The following RELN variants were observed in gnomAD, a reference collection of about 807,000 sequenced individuals.
The protein encoded by RELN is reelin.
RELN carries 108 observed loss-of-function variants against 427.6 expected under a neutral mutation model. The observed-to-expected ratio is 0.25, with a 90% confidence interval of 0.22 to 0.30. RELN has a LOEUF of 0.30. Among genes scored for constraint, RELN ranks in the 10% least tolerant of loss-of-function variants. RELN has a pLI of 1.00. For missense variants in RELN, 3,715 were observed against 4,302.8 expected (o/e 0.86, Z 3.82); for synonymous variants, 1,524 against 1,513.4 (o/e 1.01, Z -0.16).
chr7:103,917,926 G>A (rs139861397), intron 1 of RELN, among the ~76,000 whole-genome samples: 204 of 152,146 alleles, frequency 1.3e-3, no homozygotes, highest in African/African-American at 4.7e-3. Flanking sequence ...TTTCCTGCTT[G>A]ACGTAACATT....
In RELN at chr7:103,909,219, G is replaced by A. The variant is rs190985305; in HGVS notation, c.337+7856C>T. 1.7e-3 allele frequency among the ~76,000 whole-genome samples: 262 copies of A among 152,168 alleles called. 1 individual carries two copies. Among genetic ancestry groups the A allele is most frequent in the African/African-American group, 5.9e-3 (245 of 41,532 alleles). ...CAGACAAGACACCTAAGATTCAACT[G>A]CTGCTAATGCCCTGGGGAGTATGGG... On this transcript the variant is annotated intron_variant, in intron 2 of 64. Coordinates refer to ENST00000428762, the MANE Select transcript of RELN (RefSeq NM_005045.4).
At chr7:103,520,345 G>A (rs891443578) in intron 48 of RELN, among the ~76,000 whole-genome samples, 1 of 151,812 alleles carries the variant, frequency 6.6e-6, no homozygotes, top group African/African-American at 2.4e-5. Flanking sequence ...GTGCAGTCTC[G>A]GCTCACTGCA....
At chr7:103,502,701 A>G (rs968122239) in intron 52 of RELN, among the ~76,000 whole-genome samples, 3 of 152,206 alleles carry the variant, frequency 2.0e-5, no homozygotes, top group African/African-American at 7.2e-5. Flanking sequence ...TACAAGGTTG[A>G]GAAGGTAGGG....
rs1237687680 is a variant in RELN, at chr7:103,654,119, C to T, written c.1528G>A (p.Asp510Asn). The T allele has an allele frequency of 6.3e-7, 1 of 1,593,094 alleles. No individual in the cohort carries two copies. The highest frequency in any genetic ancestry group is 1.3e-5 in the African/African-American group (1 of 74,384). The stretch of plus-strand genomic sequence containing the variant: ...TTATATGAGGAATAGGAAAGGGTAT[C>T]CAGTGTTATATGCTCTTTTCTTCCT... ...IEGRKEHITL[D>N]TLSYSSYKVP... Residue 510 changes from aspartate to asparagine, a missense_variant, in exon 13 of 65, where the codon GAT (aspartate) becomes AAT (asparagine). Asp to Asn is a conservative substitution (Grantham distance 23). Coordinates refer to ENST00000428762, the MANE Select transcript of RELN (RefSeq NM_005045.4).
chr7:103,472,858 CTG>C lies in RELN; in HGVS notation c.10335_10336del (p.Arg3446ThrfsTer11). 6.2e-7 allele frequency: 1 copy of C among 1,613,958 alleles called. No individual in the cohort carries two copies. Among genetic ancestry groups the C allele is most frequent in the Non-Finnish European group, 8.5e-7 (1 of 1,179,886 alleles). ...CCTTCGTCTTCTGTTGTAGAAATGTCTGAGCCCATGTTGTCGTGAAAAATTCA... is the reference window on the plus strand; with the variant it reads ...CCTTCGTCTTCTGTTGTAGAAATGTCAGCCCATGTTGTCGTGAAAAATTCA... On this transcript the variant is annotated frameshift_variant, in exon 65 of 65. Transcript: ENST00000428762. LOFTEE classifies it high-confidence loss of function.
intron 4 of RELN, among the ~76,000 whole-genome samples, chr7:103,774,592 T>C (rs1791691460): frequency 6.6e-6 from 1 of 152,200 alleles, no homozygotes; most frequent in South Asian, 2.1e-4. Context: ...ATAAATATAT[T>C]AGATATTCCT....
intron 56 of RELN, 93 bp from the exon 57 acceptor site, chr7:103,495,991 T>A: frequency 1.5e-6 from 2 of 1,310,656 alleles, no homozygotes; most frequent in Non-Finnish European, 2.2e-6. Flanking sequence ...CTGACCGATT[T>A]ATTGTTGAAT....
Position 103,540,322 on chromosome 7 carries a change from A to C in RELN, c.6805T>G (p.Ser2269Ala), listed in dbSNP as rs1830150068. 7 of 1,614,148 alleles carry C rather than the reference A, an allele frequency of 4.3e-6. No homozygotes were observed. In the East Asian group the frequency reaches 1.3e-4, roughly 31 times the overall value. Reference sequence around the variant, plus strand: ...GCAATGTACCTGCCCACATTGCTGGAATTGCTGAAAAGGAACTCCTGAAGA... The same window carrying C: ...GCAATGTACCTGCCCACATTGCTGGCATTGCTGAAAAGGAACTCCTGAAGA... ...SLLQEFLFSN[S>A]SNVGRYIALE... The change falls in exon 44 of 65, where the codon TCC becomes GCC. Residue 2269 changes from serine to alanine, a missense_variant. Ser to Ala is a moderately conservative substitution (Grantham distance 99, BLOSUM62 1). Transcript: ENST00000428762.
chr7:103,710,624 T>G (rs1019528281), intron 8 of RELN, among the ~76,000 whole-genome samples: 27 of 152,228 alleles, frequency 1.8e-4, no homozygotes, highest in African/African-American at 5.1e-4. Context: ...CTAAATGACA[T>G]GATCAATAAG....
At chr7:103,706,561 A>G (rs1252631221) in intron 8 of RELN, among the ~76,000 whole-genome samples, 2 of 152,196 alleles carry the variant, frequency 1.3e-5, no homozygotes, top group Non-Finnish European at 2.9e-5. Flanking sequence ...TACAGAATGG[A>G]GTAGATATAA....
intron 3 of RELN, among the ~76,000 whole-genome samples, chr7:103,795,254 C>T (rs1170722136): frequency 1.3e-5 from 2 of 152,308 alleles, no homozygotes; most frequent in African/African-American, 2.4e-5. Flanking sequence ...CTCACAGGCT[C>T]AAGCTAAGTA....
In RELN at chr7:103,565,456, T is replaced by C. The variant is rs1830729357; in HGVS notation, c.5032A>G (p.Asn1678Asp). 1 of 1,613,886 alleles carries C rather than the reference T, an allele frequency of 6.2e-7. No individual in the cohort carries two copies. Among genetic ancestry groups the C allele is most frequent in the East Asian group, 2.2e-5 (1 of 44,840 alleles). The change falls in exon 34 of 65, where the codon AAC becomes GAC. Residue 1678 changes from asparagine (N) to aspartate (D), a missense_variant. Around this residue, in one of 4 missense-constraint regions of RELN, gnomAD observed 2,208 missense variants for 2,361.7 expected, o/e 0.93. Transcript: ENST00000428762. ...TACTGGAGCTGTACACTGTGGGAGT[T>C]GCTGAAGGGCTTGCTACAGCCCATG... Reference protein sequence around the residue: ...MSMGCSKPFSNSHSVQLQYSL... With the variant: ...MSMGCSKPFSDSHSVQLQYSL...
Position 103,989,008 on chromosome 7 carries a change from C to T in RELN, c.226+123G>A, listed in dbSNP as rs529202141. On this transcript the variant is annotated intron_variant, in intron 1 of 64. Coordinates refer to ENST00000428762, the MANE Select transcript of RELN (RefSeq NM_005045.4). This position sits in a 1 kb window ranked among gnomAD's most constrained non-coding sequence, Gnocchi z 4.9. ...TTCTCGCTCCCTGGACCAAGCGCAT[C>T]GCTGGGGCCAGGGTTGTCATGGTTC... The T allele has an allele frequency of 1.2e-6, 1 of 855,216 alleles. No homozygotes were observed. The highest frequency in any genetic ancestry group is 1.7e-5 in the African/African-American group (1 of 59,886). The allele number at this position is 855,216 out of a possible 1,614,324, so 53.0% of individuals were successfully genotyped here. A position where few individuals can be genotyped will look rare whatever the true frequency, so the allele number is the denominator to read the frequency against.
At chr7:103,680,215 G>A (rs1288280453) in intron 11 of RELN, among the ~76,000 whole-genome samples, 1 of 151,982 alleles carries the variant, frequency 6.6e-6, no homozygotes, top group Non-Finnish European at 1.5e-5. Context: ...AGGAGAGGGA[G>A]GAGGGAGAGA....
At chr7:103,866,849 C>T (rs1226190104) in intron 2 of RELN, among the ~76,000 whole-genome samples, 4 of 152,038 alleles carry the variant, frequency 2.6e-5, no homozygotes, top group Non-Finnish European at 4.4e-5. Context: ...CCCTCTATCA[C>T]AGCTACACAG....
chr7:103,472,581 C>T lies in RELN; in HGVS notation c.*231G>A, dbSNP rs1470089847. On this transcript the variant is annotated 3_prime_UTR_variant, in exon 65 of 65. Coordinates refer to ENST00000428762, the MANE Select transcript of RELN (RefSeq NM_005045.4). Reference sequence around the variant, plus strand: ...CACTGTAACTGATATTACAACAGATCACAACTTTCACGGACACATCAACAT... The same window carrying T: ...CACTGTAACTGATATTACAACAGATTACAACTTTCACGGACACATCAACAT... 1 of 517,716 alleles carries T rather than the reference C, an allele frequency of 1.9e-6. No individual in the cohort carries two copies. The highest frequency in any genetic ancestry group is 3.5e-5 in the East Asian group (1 of 28,944). The allele number at this position is 517,716 out of a possible 1,614,324, so 32.1% of individuals were successfully genotyped here. A position where few individuals can be genotyped will look rare whatever the true frequency, so the allele number is the denominator to read the frequency against.
At chr7:103,630,792 TA>T (rs1294450549) in intron 19 of RELN, among the ~76,000 whole-genome samples, 2 of 151,002 alleles carry the variant, frequency 1.3e-5, no homozygotes, top group African/African-American at 4.9e-5. Flanking sequence ...AAAGTACAAT[TA>T]AACACCAGGA....
Position 103,505,961 on chromosome 7 carries a change from C to T in RELN, c.8275-2731G>A, listed in dbSNP as rs143532732. ...TGAAGCATACACAAGTATCAATAGC[C>T]GAATCGATCAAGTGGAGGAAAGAAT... On this transcript the variant is annotated intron_variant, in intron 51 of 64. Coordinates refer to ENST00000428762, the MANE Select transcript of RELN (RefSeq NM_005045.4). Among the ~76,000 whole-genome samples, 110 of 152,056 alleles carry T rather than the reference C, an allele frequency of 7.2e-4. 2 individuals are homozygous for T. In the East Asian group the frequency reaches 0.015, roughly 21 times the overall value.
chr7:103,572,340 A>G (rs1049165505), intron 30 of RELN, 80 bp from the exon 31 acceptor site: 5 of 787,718 alleles, frequency 6.3e-6, no homozygotes, highest in South Asian at 4.2e-5. Flanking sequence ...CACATTAGAA[A>G]AAAACCCTCC....
Sources: gnomAD v4.1 joint callset for allele counts (sites outside exome capture counted in the v4.1 genomes callset) on GRCh38, gnomAD v4.1.1 for gene constraint, gnomAD v4.1.1 regional missense constraint, Gnocchi (gnomAD v3.1) non-coding constraint, MANE v1.5 for transcripts, NCBI Gene and HGNC (gene_info 2026-07-23, HGNC 2026-07-21) for gene names.